The following GLP1R variants were observed in gnomAD, a reference collection of about 807,000 sequenced individuals.
The protein encoded by GLP1R is glucagon like peptide 1 receptor, also known as glucagon-like peptide 1 receptor.
In GLP1R, 32 loss-of-function variants were observed where a neutral mutation model predicts 68.4. That is an observed-to-expected ratio of 0.47 (90% CI 0.35 to 0.63). The LOEUF (loss-of-function observed/expected upper bound fraction) is 0.63, where lower values mean the gene tolerates loss of function less well. GLP1R is among the 20% of genes least tolerant of loss of function. GLP1R has a pLI of 0.00. For synonymous variants in GLP1R, 263 were observed against 244.4 expected (o/e 1.08, Z -0.71); for missense variants, 502 against 594.9 (o/e 0.84, Z 1.62).
chr6:39,066,280 C>T lies in GLP1R; in HGVS notation c.486C>T (p.Ala162=). ...TCTCCTTCTCTGCTCTGGTTATCGC[C>T]TCTGCGATCCTCCTCGGCTTCAGGT... ...YALSFSALVI[A]SAILLGFRHL... Residue 162 remains alanine (A), a synonymous_variant, in exon 5 of 13, where the codon GCC becomes GCT. Coordinates refer to ENST00000373256, the MANE Select transcript of GLP1R (RefSeq NM_002062.5). 6.2e-7 allele frequency: 1 copy of T among 1,607,724 alleles called. No homozygotes were observed. The highest frequency in any genetic ancestry group is 8.5e-7 in the Non-Finnish European group (1 of 1,174,206).
intron 1 of GLP1R, among the ~76,000 whole-genome samples, chr6:39,051,632 T>C (rs1317065168): frequency 6.6e-6 from 1 of 151,830 alleles, no homozygotes; most frequent in Non-Finnish European, 1.5e-5. Context: ...AAAATTCCTA[T>C]GTGTGTGTGG....
At chr6:39,084,987 AAAG>A (rs1312916209) in intron 12 of GLP1R, among the ~76,000 whole-genome samples, 12 of 152,108 alleles carry the variant, frequency 7.9e-5, no homozygotes, top group Non-Finnish European at 1.5e-4. Flanking sequence ...TGGGGACTTC[AAAG>A]AAGCTCTGGA....
chr6:39,075,042 G>A (rs1245423363), intron 7 of GLP1R, among the ~76,000 whole-genome samples: 1 of 152,206 alleles, frequency 6.6e-6, no homozygotes, highest in Non-Finnish European at 1.5e-5. Context: ...AGGCAGAGCA[G>A]GCCCTGGAAC....
Position 39,087,938 on chromosome 6 carries a change from G to A in GLP1R, c.*1865G>A, listed in dbSNP as rs1162268409. Among the ~76,000 whole-genome samples the A allele has an allele frequency of 6.6e-6, 1 of 152,320 alleles. No individual in the cohort carries two copies. Among genetic ancestry groups the A allele is most frequent in the Admixed American group, 6.5e-5 (1 of 15,306 alleles). ...TAAGCGTGGGCACCAGTGGGTTGAT[G>A]TGGGAAACAGTGCTGGTGCAAGTGT... is the stretch of plus-strand genomic sequence containing the variant. On this transcript the variant is annotated 3_prime_UTR_variant, in exon 13 of 13. Coordinates refer to ENST00000373256, the MANE Select transcript of GLP1R (RefSeq NM_002062.5).
rs1768977732 is a variant in GLP1R, at chr6:39,080,558, C to T, written c.1183-140C>T. Reference sequence around the variant, plus strand: ...AAGGAAATGAGAGGGAAGCCACTGCCCCATTCCTGGATCTGCCTGGGCCGC... The same window carrying T: ...AAGGAAATGAGAGGGAAGCCACTGCTCCATTCCTGGATCTGCCTGGGCCGC... On this transcript the variant is annotated intron_variant, in intron 11 of 12. Transcript: ENST00000373256. 8 of 598,522 alleles carry T rather than the reference C, an allele frequency of 1.3e-5. No individual in the cohort carries two copies. The East Asian group carries it at 2.1e-4, about 16-fold the overall frequency. 37.1% of individuals were successfully genotyped at this position (598,522 alleles called of 1,614,324 possible).
Position 39,081,572 on chromosome 6 carries a change from A to G in GLP1R, c.1224+833A>G, listed in dbSNP as rs10305502. Among the ~76,000 whole-genome samples, 264 of 152,240 alleles carry G rather than the reference A, an allele frequency of 1.7e-3. 2 individuals carry two copies. Among genetic ancestry groups the G allele is most frequent in the Non-Finnish European group, 2.8e-3 (191 of 68,006 alleles). On this transcript the variant is annotated intron_variant, in intron 12 of 12. Coordinates refer to ENST00000373256, the MANE Select transcript of GLP1R (RefSeq NM_002062.5). ...TGGAAAAGGCCCCTTCCACCAAGGT[A>G]CTCAGCTTTGGAATCCCAGAGCTCA...
At position 39,073,685 on chromosome 6, in the gene GLP1R, G is replaced by T. The variant is rs1768733386; in HGVS notation, c.739G>T (p.Glu247Ter). 1 of 1,613,582 alleles carries T rather than the reference G, an allele frequency of 6.2e-7. No individual in the cohort carries two copies. The highest frequency in any genetic ancestry group is 8.5e-7 in the Non-Finnish European group (1 of 1,179,662). ...GGCCAATTACTACTGGCTCTTGGTG[G>T]AGGGCGTGTACCTGTACACACTGCT... ...VAANYYWLLV[E>*]GVYLYTLLAF... is the part of the protein sequence containing the mutation. Residue 247 changes from glutamate to a stop codon, truncating the protein, a stop_gained, in exon 7 of 13, where the codon GAG becomes TAG. Transcript: ENST00000373256. LOFTEE classifies it high-confidence loss of function.
At chr6:39,068,160 G>A (rs1768565713) in intron 5 of GLP1R, among the ~76,000 whole-genome samples, 1 of 152,042 alleles carries the variant, frequency 6.6e-6, no homozygotes, top group Non-Finnish European at 1.5e-5. Flanking sequence ...GGAAGAAAGG[G>A]GTAACTGGTC....
intron 5 of GLP1R, among the ~76,000 whole-genome samples, chr6:39,066,783 CAG>C (rs1260325253): frequency 6.6e-6 from 1 of 152,114 alleles, no homozygotes; most frequent in Non-Finnish European, 1.5e-5. Flanking sequence ...GAGCTGGGAA[CAG>C]AGTACCAGGT....
At position 39,089,790 on chromosome 6, in the gene GLP1R, C is replaced by T. The variant is rs1461360505; in HGVS notation, c.*3717C>T. 2.6e-5 allele frequency among the ~76,000 whole-genome samples: 4 copies of T among 152,160 alleles called. No homozygotes were observed. The highest frequency in any genetic ancestry group is 2.0e-4 in the Admixed American group (3 of 15,276). On this transcript the variant is annotated 3_prime_UTR_variant, in exon 13 of 13. Coordinates refer to ENST00000373256, the MANE Select transcript of GLP1R (RefSeq NM_002062.5). The surrounding 1 kb of genome is among the most constrained non-coding windows in gnomAD (Gnocchi z 4.1). ...GCTTCCTCTCCATGCGCAGACAGGG[C>T]TCCCATTATTTGCTAATGCCTGCGA...
chr6:39,072,778 T>C, intron 5 of GLP1R, 84 bp from the exon 6 acceptor site: 2 of 1,181,520 alleles, frequency 1.7e-6, no homozygotes, highest in Non-Finnish European at 2.5e-6. Flanking sequence ...ACATGCCTAA[T>C]GTGTGTGTTA....
chr6:39,082,471 A>T (rs1769031132), intron 12 of GLP1R, among the ~76,000 whole-genome samples: 1 of 152,158 alleles, frequency 6.6e-6, no homozygotes, highest in Admixed American at 6.5e-5. Context: ...AGAGTGGCCC[A>T]TAAATGGGAT....
chr6:39,089,283 AT>A lies in GLP1R; in HGVS notation c.*3219del, dbSNP rs199736712. On this transcript the variant is annotated 3_prime_UTR_variant, in exon 13 of 13. Transcript: ENST00000373256. This position sits in a 1 kb window ranked among gnomAD's most constrained non-coding sequence, Gnocchi z 4.1. ...AGCACTCTTTTAATGGATTGGCTTA[AT>A]TTTTTTTTCTGATGCCTCTCTATGT... Among the ~76,000 whole-genome samples, 343 of 151,882 alleles carry A rather than the reference AT, an allele frequency of 2.3e-3. 1 individual carries two copies. The highest frequency in any genetic ancestry group is 7.8e-3 in the African/African-American group (322 of 41,398).
chr6:39,081,518 A>G (rs1769013830), intron 12 of GLP1R, among the ~76,000 whole-genome samples: 1 of 152,126 alleles, frequency 6.6e-6, no homozygotes, highest in African/African-American at 2.4e-5. Context: ...AGCTCCTGGG[A>G]GGAGGGCATG....
chr6:39,068,996 G>A (rs1583632085), intron 5 of GLP1R, among the ~76,000 whole-genome samples: 1 of 152,072 alleles, frequency 6.6e-6, no homozygotes, highest in East Asian at 1.9e-4. Flanking sequence ...AAATCTTTAA[G>A]TTCTCCTTCT....
rs112493645 is a variant in GLP1R, at chr6:39,060,721, G to A, written c.283+3142G>A. Among the ~76,000 whole-genome samples the A allele has an allele frequency of 4.4e-3, 663 of 152,342 alleles. 9 individuals carry two copies. The highest frequency in any genetic ancestry group is 0.014 in the African/African-American group (601 of 41,572). ...GGGAAGCCGAGGGGTGCTGTCCCAT[G>A]GCTCAGGCTTCTAGAGTTCAGAATG... On this transcript the variant is annotated intron_variant, in intron 3 of 12. Transcript: ENST00000373256.
At chr6:39,082,148 G>A (rs1000876830) in intron 12 of GLP1R, among the ~76,000 whole-genome samples, 12 of 152,278 alleles carry the variant, frequency 7.9e-5, no homozygotes, top group Middle Eastern at 3.4e-3. Flanking sequence ...TTGTCCCTGA[G>A]GCCTCCCCCT....
At chr6:39,074,637 C>T (rs1768766423) in intron 7 of GLP1R, among the ~76,000 whole-genome samples, 1 of 152,094 alleles carries the variant, frequency 6.6e-6, no homozygotes, top group African/African-American at 2.4e-5. Flanking sequence ...GCGCCCACCT[C>T]ACGCTGCTCT....
chr6:39,065,781 G>T lies in GLP1R; in HGVS notation c.354G>T (p.Leu118=), dbSNP rs1352048269. 1 of 1,598,820 alleles carries T rather than the reference G, an allele frequency of 6.3e-7. No homozygotes were observed. The highest frequency in any genetic ancestry group is 8.5e-7 in the Non-Finnish European group (1 of 1,172,690). ...GLWLQKDNSS[L]PWRDLSECEE... ...GGCTGCAGAAGGACAACTCCAGCCT[G>T]CCCTGGAGGGACTTGTCGGAGTGCG... Residue 118 remains leucine (L), a synonymous_variant, in exon 4 of 13, where the codon CTG becomes CTT. Coordinates refer to ENST00000373256, the MANE Select transcript of GLP1R (RefSeq NM_002062.5).
Sources: allele counts gnomAD v4.1 joint callset (sites outside exome capture counted in the v4.1 genomes callset), GRCh38; gene constraint gnomAD v4.1.1; non-coding constraint Gnocchi (gnomAD v3.1); transcripts MANE v1.5; gene names NCBI Gene and HGNC (gene_info 2026-07-23, HGNC 2026-07-21).